Variants in ACADM observed in about 807,000 individuals in gnomAD.
The protein encoded by ACADM is medium-chain specific acyl-CoA dehydrogenase, mitochondrial.
ACADM carries 49 observed loss-of-function variants against 58.9 expected under a neutral mutation model. That is an observed-to-expected ratio of 0.83 (90% CI 0.66 to 1.06). ACADM has a LOEUF of 1.06. Among genes scored for constraint, ACADM ranks in the 50% least tolerant of loss-of-function variants. ACADM has a pLI of 0.00. For synonymous variants in ACADM, 160 were observed against 157.7 expected, an observed-to-expected ratio of 1.01 and a Z score of -0.11; for missense variants, 496 against 507.0, an observed-to-expected ratio of 0.98 and a Z score of 0.21.
At chr1:75,733,220 G>A in intron 4 of ACADM, 3 of 1,565,702 alleles carry the variant, frequency 1.9e-6, no homozygotes, top group Non-Finnish European at 1.7e-6. Context: ...ATTTTATTGA[G>A]TCTTTTTTGT....
chr1:75,743,403 G>C, intron 7 of ACADM: 3 of 1,607,396 alleles, frequency 1.9e-6, no homozygotes, highest in Non-Finnish European at 2.6e-6. Flanking sequence ...AATTTGTAGG[G>C]TGTGTGGGTT....
Position 75,724,883 on chromosome 1 carries a change from C to T in ACADM, c.30+66C>T, listed in dbSNP as rs116034618. ...GTATTGTGGTGTCGGAGCAGGGGGC[C>T]CTGGGCCAAAAATAGGTGCGGCCGG... is the stretch of plus-strand genomic sequence containing the variant. On this transcript the variant is annotated intron_variant, in intron 1 of 11. Coordinates refer to ENST00000370841, the MANE Select transcript of ACADM (RefSeq NM_000016.6). The T allele has an allele frequency of 0.15, 196,987 of 1,353,602 alleles. 15,897 individuals are homozygous for T. The highest frequency in any genetic ancestry group is 0.17 in the Middle Eastern group (829 of 4,992). 83.8% of individuals were successfully genotyped at this position (1,353,602 alleles called of 1,614,324 possible).
chr1:75,737,011 G>T (rs1647288665), intron 6 of ACADM, among the ~76,000 whole-genome samples: 1 of 151,462 alleles, frequency 6.6e-6, no homozygotes. Flanking sequence ...CTATCTAATG[G>T]ATATGCTATA....
At chr1:75,741,324 A>C (rs1031133617) in intron 7 of ACADM, among the ~76,000 whole-genome samples, 26 of 152,222 alleles carry the variant, frequency 1.7e-4, no homozygotes, top group African/African-American at 6.3e-4. Context: ...TGAGCATCCT[A>C]AATATATTCA....
intron 6 of ACADM, among the ~76,000 whole-genome samples, chr1:75,739,674 T>C (rs1360326600): frequency 6.6e-6 from 1 of 152,022 alleles, no homozygotes; most frequent in Admixed American, 6.6e-5. Context: ...TGGTGATGTG[T>C]GCTTGCAGTC....
At chr1:75,748,147 C>T (rs1648001455) in intron 8 of ACADM, among the ~76,000 whole-genome samples, 1 of 152,044 alleles carries the variant, frequency 6.6e-6, no homozygotes, top group Admixed American at 6.6e-5. Context: ...AACTTCCTCT[C>T]ATGATTTAGC....
chr1:75,753,798 T>C (rs1648339329), intron 10 of ACADM, among the ~76,000 whole-genome samples: 2 of 130,008 alleles, frequency 1.5e-5, no homozygotes, highest in African/African-American at 6.7e-5. Flanking sequence ...ATAGCTTCTT[T>C]TTTTTTTTTT....
chr1:75,733,357 T>C, intron 4 of ACADM, 171 bp from the exon 5 acceptor site: 1 of 977,426 alleles, frequency 1.0e-6, no homozygotes, highest in African/African-American at 1.6e-5. Context: ...TTTAGAGCTT[T>C]AAGAAAGTAT....
rs74090726 is a variant in ACADM at position 75,733,592 on chromosome 1, A to C, written c.351A>C (p.Thr117=). Residue 117 remains threonine, a synonymous_variant, in exon 5 of 12, where the codon ACA becomes ACC. Coordinates refer to ENST00000370841, the MANE Select transcript of ACADM (RefSeq NM_000016.6). ...LISEELAYGC[T]GVQTAIEGNS... ...GTGAAGAATTGGCTTATGGATGTAC[A>C]GGGGTTCAGACTGCTATTGAAGGAA... The C allele has an allele frequency of 0.031, 50,328 of 1,613,988 alleles. 1,141 individuals carry two copies. The highest frequency in any genetic ancestry group is 0.11 in the African/African-American group (8,267 of 75,004).
chr1:75,752,918 G>A (rs1442006838), intron 10 of ACADM, among the ~76,000 whole-genome samples: 2 of 152,044 alleles, frequency 1.3e-5, no homozygotes, highest in African/African-American at 2.4e-5. Flanking sequence ...TGGCACTTTT[G>A]TTAGGTACTC....
intron 11 of ACADM, 118 bp from the exon 12 acceptor site, chr1:75,762,574 A>G: frequency 1.4e-6 from 1 of 692,422 alleles, no homozygotes; most frequent in Non-Finnish European, 2.6e-6. Context: ...CAGACCCTAT[A>G]TATGGTTTGA....
At chr1:75,736,616 C>T (rs999737149) in intron 6 of ACADM, among the ~76,000 whole-genome samples, 4 of 152,110 alleles carry the variant, frequency 2.6e-5, no homozygotes, top group Non-Finnish European at 5.9e-5. Flanking sequence ...TTTTGGTTGC[C>T]AAGTCTGTTA....
intron 10 of ACADM, among the ~76,000 whole-genome samples, chr1:75,752,153 T>G (rs1385497071): frequency 3.3e-5 from 5 of 151,944 alleles, no homozygotes; most frequent in Admixed American, 2.0e-4. Context: ...TGCCTAATTT[T>G]TTTATTTTTG....
intron 7 of ACADM, among the ~76,000 whole-genome samples, chr1:75,741,461 G>A (rs565253669): frequency 1.1e-4 from 16 of 152,224 alleles, no homozygotes; most frequent in Non-Finnish European, 8.8e-5. Context: ...TGAAGTTTTC[G>A]TAATTTTAAA....
At chr1:75,750,586 A>T in intron 10 of ACADM, 40 bp downstream of exon 10, 1 of 1,270,588 alleles carries the variant, frequency 7.9e-7, no homozygotes, top group South Asian at 1.2e-5. Flanking sequence ...ATGTAAAGAC[A>T]CTCATTTTCA....
In ACADM at chr1:75,740,113, A is replaced by G. The variant is rs375921211; in HGVS notation, c.599+3A>G. ...ACCAACGGAGGAAAAGCTAATTGGT[A>G]TGTTGTTCAAAACATCTTTGTATAT... On this transcript the variant is annotated splice_donor_region_variant and intron_variant, in intron 7 of 11. Coordinates refer to ENST00000370841, the MANE Select transcript of ACADM (RefSeq NM_000016.6). The G allele has an allele frequency of 5.8e-5, 93 of 1,608,454 alleles. No individual in the cohort carries two copies. The highest frequency in any genetic ancestry group is 7.2e-5 in the Non-Finnish European group (85 of 1,176,066).
intron 10 of ACADM, chr1:75,750,804 A>AGTGGC (rs1199520052): frequency 1.0e-5 from 5 of 493,362 alleles, no homozygotes; most frequent in Non-Finnish European, 1.5e-5. Flanking sequence ...GCTAGAGTGC[A>AGTGGC]GTGGCACAAT....
At chr1:75,759,735 C>T (rs1403534203) in intron 10 of ACADM, among the ~76,000 whole-genome samples, 3 of 143,518 alleles carry the variant, frequency 2.1e-5, no homozygotes, top group Admixed American at 1.5e-4. Context: ...GATCTTGGCT[C>T]ACCACAACCT....
rs1037795230 is a variant in ACADM, at chr1:75,763,269, C to G, written c.*506C>G. The G allele has an allele frequency of 6.6e-6, 1 of 152,160 alleles. No individual in the cohort carries two copies. Among genetic ancestry groups the G allele is most frequent in the African/African-American group, 2.4e-5 (1 of 41,432 alleles). The allele number at this position is 152,160 out of a possible 1,614,324, so 9.4% of individuals were successfully genotyped here. ...GGCACAGAAACAGTCAAAATTTTGA[C>G]ATTCATATTCTCCTATTTTACAGCT... is the stretch of plus-strand genomic sequence containing the variant. On this transcript the variant is annotated 3_prime_UTR_variant, in exon 12 of 12. Transcript: ENST00000370841.
Sources: allele counts gnomAD v4.1 joint callset (sites outside exome capture counted in the v4.1 genomes callset), GRCh38; gene constraint gnomAD v4.1.1; transcripts MANE v1.5; gene names NCBI Gene and HGNC (gene_info 2026-07-23, HGNC 2026-07-21).